Variants in SYNPO2 observed in about 807,000 individuals in gnomAD.
SYNPO2 encodes the protein synaptopodin-2.
In SYNPO2, 56 loss-of-function variants were observed where a neutral mutation model predicts 85.0. That is an observed-to-expected ratio of 0.66 (90% CI 0.53 to 0.82). SYNPO2 has a LOEUF of 0.82. Among genes scored for constraint, SYNPO2 ranks in the 40% least tolerant of loss-of-function variants. SYNPO2 has a pLI of 0.00. For synonymous variants in SYNPO2, 602 were observed against 591.1 expected (o/e 1.02, Z -0.27); for missense variants, 1,575 against 1,534.2 (o/e 1.03, Z -0.44).
chr4:118,916,374 T>C (rs914397524), intron 1 of SYNPO2, among the ~76,000 whole-genome samples: 14 of 151,920 alleles, frequency 9.2e-5, no homozygotes, highest in African/African-American at 3.1e-4. Context: ...GGTTTCACCA[T>C]GTTGGCCAGG....
intron 1 of SYNPO2, among the ~76,000 whole-genome samples, chr4:118,858,737 A>G (rs116305850): frequency 0.041 from 6,270 of 152,332 alleles, 198 homozygotes; most frequent in Non-Finnish European, 0.064. Flanking sequence ...AATATAAAAC[A>G]TAAAAAATCT....
At chr4:119,009,231 T>G (rs1737196278) in intron 1 of SYNPO2, among the ~76,000 whole-genome samples, 1 of 152,158 alleles carries the variant, frequency 6.6e-6, no homozygotes, top group Non-Finnish European at 1.5e-5. Flanking sequence ...AGGGATAAAA[T>G]TGGGCTATAG....
At chr4:118,885,922 C>T (rs1358964176), upstream of SYNPO2, among the ~76,000 whole-genome samples, 2 of 152,170 alleles carry the variant, frequency 1.3e-5, no homozygotes, top group South Asian at 4.1e-4. Flanking sequence ...AACCCTGGCT[C>T]TATCGCTTAG....
chr4:119,044,381 CA>C (rs1738813360), intron 4 of SYNPO2, among the ~76,000 whole-genome samples: 1 of 152,112 alleles, frequency 6.6e-6, no homozygotes, highest in Non-Finnish European at 1.5e-5. Flanking sequence ...TTCCCTCAAA[CA>C]GGAAAGATAT....
intron 1 of SYNPO2, among the ~76,000 whole-genome samples, chr4:118,913,628 A>C (rs546660398): frequency 6.6e-6 from 1 of 150,876 alleles, no homozygotes; most frequent in African/African-American, 2.4e-5. Flanking sequence ...GTGTTCCTGT[A>C]ATAACATTCA....
At chr4:118,967,525 T>C (rs549776896) in intron 1 of SYNPO2, among the ~76,000 whole-genome samples, 1 of 152,354 alleles carries the variant, frequency 6.6e-6, no homozygotes, top group South Asian at 2.1e-4. Context: ...CCACAGCTCC[T>C]CTTGGTCCTT....
Position 118,876,662 on chromosome 4 carries a change from CCTTTCTCTTTCTTTCTTTCTTT to C in SYNPO2, c.12+25729_12+25750del, listed in dbSNP as rs1361680486. Among the ~76,000 whole-genome samples the C allele has an allele frequency of 1.3e-3, 186 of 141,740 alleles. 1 individual carries two copies. Among genetic ancestry groups the C allele is most frequent in the Middle Eastern group, 0.011 (3 of 280 alleles). The allele number at this position is 141,740 out of a possible 152,430, so 93.0% of individuals were successfully genotyped here. A position where few individuals can be genotyped will look rare whatever the true frequency, so the allele number is the denominator to read the frequency against. On this transcript the variant is annotated intron_variant, in intron 1 of 4. Coordinates refer to the SYNPO2 transcript ENST00000610556. The stretch of plus-strand genomic sequence containing the variant: ...TCCTTCCTTTCTTCCTTCCTTCCTT[CCTTTCTCTTTCTTTCTTTCTTT>C]CTTTCTTTCTTTCTTTCTTTCTTTC...
intron 1 of SYNPO2, among the ~76,000 whole-genome samples, chr4:119,010,680 C>T (rs1737262011): frequency 6.6e-6 from 1 of 152,134 alleles, no homozygotes; most frequent in Non-Finnish European, 1.5e-5. Flanking sequence ...TATAAATTAT[C>T]ATGTTGGGTT....
intron 1 of SYNPO2, among the ~76,000 whole-genome samples, chr4:118,893,215 C>A (rs1368954789): frequency 6.6e-6 from 1 of 152,046 alleles, no homozygotes; most frequent in Non-Finnish European, 1.5e-5. Flanking sequence ...CTAGATAAAT[C>A]TATTAAGTAG....
chr4:118,857,190 T>C (rs1428819586), intron 1 of SYNPO2, among the ~76,000 whole-genome samples: 2 of 152,128 alleles, frequency 1.3e-5, no homozygotes, highest in Non-Finnish European at 2.9e-5. Context: ...AAACACAAAA[T>C]ACAGGTAAGT....
At chr4:118,999,513 C>G (rs528266565) in intron 1 of SYNPO2, among the ~76,000 whole-genome samples, 1 of 152,182 alleles carries the variant, frequency 6.6e-6, no homozygotes, top group Admixed American at 6.5e-5. Context: ...AATATATTAT[C>G]TAATAATTAC....
At chr4:119,035,403 A>G (rs1738466696) in intron 4 of SYNPO2, 1 of 985,424 alleles carries the variant, frequency 1.0e-6, no homozygotes, top group Non-Finnish European at 1.2e-6. Flanking sequence ...TGCCACTTTA[A>G]TCTTAGAATA....
chr4:119,000,023 G>GA (rs1560963389), intron 1 of SYNPO2, among the ~76,000 whole-genome samples: 1 of 152,060 alleles, frequency 6.6e-6, no homozygotes, highest in East Asian at 1.9e-4. Context: ...GTTTATCTGG[G>GA]AAAAAAGCAA....
At chr4:118,852,420 G>A (rs1041102422) in intron 1 of SYNPO2, among the ~76,000 whole-genome samples, 2 of 152,110 alleles carry the variant, frequency 1.3e-5, no homozygotes, top group African/African-American at 4.8e-5. Flanking sequence ...ACACGCACAC[G>A]TATGTTCATT....
At chr4:119,013,348 A>AG (rs1290459979) in intron 1 of SYNPO2, among the ~76,000 whole-genome samples, 6 of 152,370 alleles carry the variant, frequency 3.9e-5, no homozygotes, top group South Asian at 2.1e-4. Flanking sequence ...TCTGTGTGAC[A>AG]AAATGAAAAG....
Position 119,031,736 on chromosome 4 carries a change from C to G in SYNPO2, c.2961C>G (p.Gly987=). 1 of 1,614,240 alleles carries G rather than the reference C, an allele frequency of 6.2e-7. No individual in the cohort carries two copies. The highest frequency in any genetic ancestry group is 1.3e-5 in the African/African-American group (1 of 75,058). The change falls in exon 4 of 5, where the codon GGC becomes GGG. Residue 987 remains glycine, a synonymous_variant. Coordinates refer to ENST00000307142, the MANE Select transcript of SYNPO2 (RefSeq NM_133477.3). ...TCCAACCTCCAGATGCAAAGGATGG[C>G]CTCCCCCAGAAGTCATCAGTCAAGG... is the stretch of plus-strand genomic sequence containing the variant. The part of the protein sequence containing the change: ...FTFQPPDAKD[G]LPQKSSVKVN...
At chr4:118,884,132 G>C (rs139375566), upstream of SYNPO2, among the ~76,000 whole-genome samples, 1,069 of 152,284 alleles carry the variant, frequency 7.0e-3, 13 homozygotes, top group African/African-American at 0.025. Context: ...TAGCAAATCT[G>C]CTCTTTGTTT....
At position 119,057,608 on chromosome 4, in the gene SYNPO2, G is replaced by GA. The variant is rs1198367977; in HGVS notation, c.3462dup (p.Ser1155IlefsTer24). On this transcript the variant is annotated frameshift_variant, in exon 5 of 5. Transcript: ENST00000307142. LOFTEE classifies it low-confidence loss of function (END_TRUNC). ...TGCTTTCCAACCCAGAAACATCCAG[G>GA]AATCCATTGTGGCAAATGTGGTTTC... 6.2e-7 allele frequency: 1 copy of GA among 1,613,992 alleles called. No homozygotes were observed. Among genetic ancestry groups the GA allele is most frequent in the African/African-American group, 1.3e-5 (1 of 74,904 alleles).
At position 118,888,862 on chromosome 4, in the gene SYNPO2, T is replaced by G. The variant is rs1490805177; in HGVS notation, c.-175T>G. The stretch of plus-strand genomic sequence containing the variant: ...GAATGAGCCCATTAGCCGCACAAAT[T>G]CGCAGCAGGCGGCTGGGGCGGCGGC... On this transcript the variant is annotated 5_prime_UTR_variant, in exon 1 of 5. The change creates a new upstream start codon in the 5' untranslated region. Coordinates refer to ENST00000307142, the MANE Select transcript of SYNPO2 (RefSeq NM_133477.3). 1.7e-5 allele frequency: 11 copies of G among 650,736 alleles called. No homozygotes were observed. In the East Asian group the frequency reaches 3.0e-4, roughly 18 times the overall value. 40.3% of individuals were successfully genotyped at this position (650,736 alleles called of 1,614,324 possible).
Sources: gnomAD v4.1 joint callset for allele counts (sites outside exome capture counted in the v4.1 genomes callset) on GRCh38, gnomAD v4.1.1 for gene constraint, MANE v1.5 for transcripts, NCBI Gene and HGNC (gene_info 2026-07-23, HGNC 2026-07-21) for gene names.